The following CD28 variants were observed in gnomAD, a reference collection of about 807,000 sequenced individuals.
CD28 encodes CD28 molecule, also known as T-cell-specific surface glycoprotein CD28.
Under a neutral mutation model 21.4 loss-of-function variants are expected in CD28, and 8 were observed. That is an observed-to-expected ratio of 0.37 (90% CI 0.22 to 0.68). CD28 has a LOEUF of 0.68. Among genes scored for constraint, CD28 ranks in the 30% least tolerant of loss-of-function variants. The pLI is 0.55. For missense variants in CD28, 239 were observed against 272.2 expected, an observed-to-expected ratio of 0.88 and a Z score of 0.86; for synonymous variants, 106 against 104.0, an observed-to-expected ratio of 1.02 and a Z score of -0.12.
rs145761335 is a variant in CD28, at chr2:203,734,841, C to T, written c.592C>T (p.Arg198Cys). Residue 198 changes from arginine (R) to cysteine (C), a missense_variant, in exon 4 of 4, where the codon CGC becomes TGC. Physicochemically the swap from Arg to Cys is radical, Grantham distance 180. Transcript: ENST00000324106. ...TGACTACATGAACATGACTCCCCGC[C>T]GCCCCGGGCCCACCCGCAAGCATTA... Reference protein sequence around the residue: ...HSDYMNMTPRRPGPTRKHYQP... With the variant: ...HSDYMNMTPRCPGPTRKHYQP... 133 of 1,614,196 alleles carry T rather than the reference C, an allele frequency of 8.2e-5. No individual in the cohort carries two copies. In the East Asian group the frequency reaches 1.6e-3, roughly 20 times the overall value.
At chr2:203,718,860 C>G (rs1693533808) in intron 1 of CD28, among the ~76,000 whole-genome samples, 1 of 152,180 alleles carries the variant, frequency 6.6e-6, no homozygotes, top group African/African-American at 2.4e-5. Context: ...TGTCTATGTT[C>G]AATCCCTTTT....
chr2:203,707,414 CTCAG>C (rs1693189156), intron 1 of CD28, among the ~76,000 whole-genome samples: 2 of 152,114 alleles, frequency 1.3e-5, no homozygotes, highest in African/African-American at 4.8e-5. Context: ...AAGGGCTTAG[CTCAG>C]TCAGGCTTCA....
At chr2:203,717,278 C>A (rs1047126792) in intron 1 of CD28, among the ~76,000 whole-genome samples, 1 of 152,162 alleles carries the variant, frequency 6.6e-6, no homozygotes, top group African/African-American at 2.4e-5. Context: ...AGTTAATGTG[C>A]TTGGTATAAC....
At chr2:203,719,276 A>G (rs1263035280) in intron 1 of CD28, among the ~76,000 whole-genome samples, 2 of 152,190 alleles carry the variant, frequency 1.3e-5, no homozygotes, top group African/African-American at 4.8e-5. Context: ...CTTCTTTAAA[A>G]TAAGGAATTG....
Position 203,735,902 on chromosome 2 carries a change from A to G in CD28, c.*990A>G, listed in dbSNP as rs3181112. 0.95 allele frequency: 144,819 copies of G among 152,258 alleles called. 68,899 individuals carry two copies. The highest frequency in any genetic ancestry group is 1 in the East Asian group (5,156 of 5,160). 9.4% of individuals were successfully genotyped at this position (152,258 alleles called of 1,614,324 possible). ...AGGCACCTGTAATCCCAGCTGCCCA[A>G]GAGGCTGAGGCATGAGAATCGCTTG... On this transcript the variant is annotated 3_prime_UTR_variant, in exon 4 of 4. Coordinates refer to ENST00000324106, the MANE Select transcript of CD28 (RefSeq NM_006139.4).
chr2:203,718,734 T>C (rs1205271440), intron 1 of CD28, among the ~76,000 whole-genome samples: 1 of 152,188 alleles, frequency 6.6e-6, no homozygotes, highest in Non-Finnish European at 1.5e-5. Context: ...TTCTCTATGG[T>C]GCTACGATAA....
chr2:203,723,138 CA>C (rs1262923112), intron 1 of CD28, among the ~76,000 whole-genome samples: 1 of 151,998 alleles, frequency 6.6e-6, no homozygotes, highest in Non-Finnish European at 1.5e-5. Flanking sequence ...GCTTTCAACC[CA>C]ATTGAATATT....
intron 3 of CD28, among the ~76,000 whole-genome samples, chr2:203,731,381 C>A (rs1693884370): frequency 6.6e-6 from 1 of 152,156 alleles, no homozygotes; most frequent in South Asian, 2.1e-4. Flanking sequence ...TAATCTCTGG[C>A]CATTGGCTTT....
Position 203,737,748 on chromosome 2 carries a change from T to A in CD28, c.*2836T>A, listed in dbSNP as rs1171315163. 4 of 152,646 alleles carry A rather than the reference T, an allele frequency of 2.6e-5. No homozygotes were observed. The highest frequency in any genetic ancestry group is 5.9e-5 in the Non-Finnish European group (4 of 68,032). The allele number at this position is 152,646 out of a possible 1,614,324, so 9.5% of individuals were successfully genotyped here. On this transcript the variant is annotated 3_prime_UTR_variant, in exon 4 of 4. Transcript: ENST00000324106. ...TATAATTTTTGATTGTGAGCTCACCTATTTGGGTTAAGCATGCCAATTTAA... is the reference window on the plus strand; with the variant it reads ...TATAATTTTTGATTGTGAGCTCACCAATTTGGGTTAAGCATGCCAATTTAA...
At chr2:203,707,330 C>A (rs1332182801) in intron 1 of CD28, among the ~76,000 whole-genome samples, 2 of 152,024 alleles carry the variant, frequency 1.3e-5, no homozygotes, top group African/African-American at 4.8e-5. Flanking sequence ...CCTCAGTTTC[C>A]TTAACTGTAA....
intron 1 of CD28, 120 bp from the exon 2 acceptor site, chr2:203,726,513 C>T: frequency 1.4e-6 from 1 of 698,006 alleles, no homozygotes; most frequent in Non-Finnish European, 2.5e-6. Flanking sequence ...CCTACATCTT[C>T]TGCCAAGAGA....
chr2:203,713,427 G>A (rs1482121687), intron 1 of CD28, among the ~76,000 whole-genome samples: 1 of 152,160 alleles, frequency 6.6e-6, no homozygotes, highest in East Asian at 1.9e-4. Flanking sequence ...AGCTAGTGAA[G>A]GAGACAAAGA....
intron 1 of CD28, among the ~76,000 whole-genome samples, chr2:203,710,212 A>G (rs1693274538): frequency 6.6e-6 from 1 of 152,192 alleles, no homozygotes; most frequent in Non-Finnish European, 1.5e-5. Flanking sequence ...AAAGAAATTG[A>G]CTGGATGTTT....
At chr2:203,717,615 G>A (rs965875711) in intron 1 of CD28, among the ~76,000 whole-genome samples, 1 of 152,196 alleles carries the variant, frequency 6.6e-6, no homozygotes, top group African/African-American at 2.4e-5. Context: ...ACAACATATA[G>A]TTGGCCCACT....
rs775306622 is a variant in CD28 at position 203,726,976 on chromosome 2, T to C, written c.396T>C (p.Ile132=). The change falls in exon 2 of 4, where the codon ATT becomes ATC. Residue 132 remains isoleucine, a synonymous_variant. Transcript: ENST00000324106. ...YLDNEKSNGT[I]IHVKGKHLCP... ...ACAATGAGAAGAGCAATGGAACCATTATCCATGTGAAAGGTAACATACAAC... is the reference window on the plus strand; with the variant it reads ...ACAATGAGAAGAGCAATGGAACCATCATCCATGTGAAAGGTAACATACAAC... The C allele has an allele frequency of 1.3e-6, 2 of 1,584,970 alleles. No individual in the cohort carries two copies. Among genetic ancestry groups the C allele is most frequent in the Non-Finnish European group, 1.7e-6 (2 of 1,153,668 alleles).
Position 203,738,077 on chromosome 2 carries a change from T to G in CD28, c.*3165T>G, listed in dbSNP as rs1359870866. The G allele has an allele frequency of 6.6e-6, 1 of 152,180 alleles. No homozygotes were observed. The highest frequency in any genetic ancestry group is 1.5e-5 in the Non-Finnish European group (1 of 68,028). The allele number at this position is 152,180 out of a possible 1,614,324, so 9.4% of individuals were successfully genotyped here. A position where few individuals can be genotyped will look rare whatever the true frequency, so the allele number is the denominator to read the frequency against. On this transcript the variant is annotated 3_prime_UTR_variant, in exon 4 of 4. Coordinates refer to ENST00000324106, the MANE Select transcript of CD28 (RefSeq NM_006139.4). ...TTTGTTTGCTTGACTTCAGTCACAATTTCTTATCAGACCAATGGCTGACCT... is the reference window on the plus strand; with the variant it reads ...TTTGTTTGCTTGACTTCAGTCACAAGTTCTTATCAGACCAATGGCTGACCT...
At chr2:203,722,518 A>T (rs956017758) in intron 1 of CD28, among the ~76,000 whole-genome samples, 1 of 152,228 alleles carries the variant, frequency 6.6e-6, no homozygotes, top group East Asian at 1.9e-4. Flanking sequence ...TGATAACAAC[A>T]ATACAGCCGA....
chr2:203,710,750 T>C (rs1482651158), intron 1 of CD28, among the ~76,000 whole-genome samples: 3 of 152,198 alleles, frequency 2.0e-5, no homozygotes, highest in Admixed American at 1.3e-4. Context: ...TTAACTAGTG[T>C]AGGCATTGAT....
intron 2 of CD28, among the ~76,000 whole-genome samples, chr2:203,728,079 T>C (rs1392159828): frequency 1.3e-5 from 2 of 151,682 alleles, no homozygotes; most frequent in African/African-American, 2.4e-5. Context: ...CAAAGTGCTG[T>C]GATTACAGGC....
Sources: gnomAD v4.1 joint callset for allele counts (sites outside exome capture counted in the v4.1 genomes callset) on GRCh38, gnomAD v4.1.1 for gene constraint, MANE v1.5 for transcripts, NCBI Gene and HGNC (gene_info 2026-07-23, HGNC 2026-07-21) for gene names.